The following MMEL1 variants were observed in gnomAD, a reference collection of about 807,000 sequenced individuals.
MMEL1 encodes membrane metalloendopeptidase like 1.
A neutral mutation model predicts 117.1 loss-of-function variants in MMEL1; 98 were observed. The observed-to-expected ratio is 0.84, with a 90% confidence interval of 0.71 to 0.99. The LOEUF is 0.99. Ranked by LOEUF, MMEL1 falls within the 50% of genes least tolerant of loss-of-function variation. The pLI, the probability that MMEL1 is intolerant of heterozygous loss-of-function variation, is 0.00. For synonymous variants in MMEL1, 390 were observed against 415.1 expected (o/e 0.94, Z 0.74); for missense variants, 1,014 against 1,049.1 (o/e 0.97, Z 0.46).
At chr1:2,605,237 C>T (rs1480909430) in intron 9 of MMEL1, among the ~76,000 whole-genome samples, 2 of 152,176 alleles carry the variant, frequency 1.3e-5, no homozygotes, top group African/African-American at 4.8e-5. Flanking sequence ...CTCAGATCTC[C>T]AGGGGCCCTC....
At chr1:2,603,246 C>G (rs1214528433) in intron 11 of MMEL1, among the ~76,000 whole-genome samples, 1 of 152,190 alleles carries the variant, frequency 6.6e-6, no homozygotes, top group Admixed American at 6.5e-5. Flanking sequence ...CCCTTGCCCT[C>G]CCCCCACTGA....
chr1:2,607,501 G>T (rs1467170820), intron 6 of MMEL1, among the ~76,000 whole-genome samples: 1 of 152,088 alleles, frequency 6.6e-6, no homozygotes, highest in Middle Eastern at 3.4e-3. Context: ...GTAGGCAGGG[G>T]AGCCCTGGGG....
intron 16 of MMEL1, 39 bp from the exon 17 acceptor site, chr1:2,594,932 G>A (rs371714899): frequency 2.7e-5 from 43 of 1,564,306 alleles, no homozygotes; most frequent in East Asian, 9.0e-5. Flanking sequence ...TGCTGGGGCC[G>A]GGCCCTCAGA....
chr1:2,608,939 A>G (rs544284448), intron 6 of MMEL1, among the ~76,000 whole-genome samples: 39 of 152,264 alleles, frequency 2.6e-4, no homozygotes, highest in African/African-American at 8.9e-4. Flanking sequence ...ACACATATAC[A>G]TACACAATAT....
intron 10 of MMEL1, 56 bp downstream of exon 10, chr1:2,604,091 G>T: frequency 1.3e-6 from 2 of 1,570,754 alleles, no homozygotes; most frequent in Non-Finnish European, 8.7e-7. Context: ...CAGCCACACC[G>T]CCTGGGGCTC....
chr1:2,591,998 G>A lies in MMEL1; in HGVS notation c.2097C>T (p.Gly699=). 1 of 1,613,222 alleles carries A rather than the reference G, an allele frequency of 6.2e-7. No homozygotes were observed. The highest frequency in any genetic ancestry group is 1.3e-5 in the African/African-American group (1 of 74,996). Residue 699 remains glycine, a synonymous_variant, in exon 22 of 24, where the codon GGC becomes GGT. Transcript: ENST00000378412. ...KAYLKWMAEG[G]KDQQLPGLDL... ...CCAGGCCGGGCAGCTGCTGGTCCTT[G>A]CCACCCTCTGCCATCCACTTGAGGT...
intron 11 of MMEL1, among the ~76,000 whole-genome samples, chr1:2,601,800 C>T (rs745444855): frequency 2.0e-5 from 3 of 152,246 alleles, no homozygotes; most frequent in Non-Finnish European, 4.4e-5. Context: ...CAGGAGATGG[C>T]GTTTAACCTC....
At chr1:2,592,993 C>A in intron 19 of MMEL1, 27 bp from the exon 20 acceptor site, 1 of 1,610,112 alleles carries the variant, frequency 6.2e-7, no homozygotes. Context: ...GAGGGCTGCC[C>A]ACATGCCCCT....
Position 2,594,904 on chromosome 1 carries a change from G to C in MMEL1, c.1585-11C>G. On this transcript the variant is annotated splice_polypyrimidine_tract_variant and intron_variant, in intron 16 of 23. Coordinates refer to ENST00000378412, the MANE Select transcript of MMEL1 (RefSeq NM_033467.4). ...CTCTGAGAAGTTCAGCTACGGGAGA[G>C]GGGCAGTCACTGCCAGATGCTGGGG... 6 of 1,610,064 alleles carry C rather than the reference G, an allele frequency of 3.7e-6. No individual in the cohort carries two copies. The highest frequency in any genetic ancestry group is 5.1e-6 in the Non-Finnish European group (6 of 1,176,596).
intron 22 of MMEL1, 133 bp downstream of exon 22, chr1:2,591,799 C>A: frequency 1.8e-6 from 2 of 1,088,276 alleles, no homozygotes; most frequent in Non-Finnish European, 2.8e-6. Context: ...CAGCTCCCGC[C>A]CCCTGCCCCT....
In MMEL1 at chr1:2,594,811, C is replaced by T. The variant is rs138779135; in HGVS notation, c.1667G>A (p.Arg556Gln). 2.0e-5 allele frequency: 32 copies of T among 1,613,896 alleles called. No homozygotes were observed. The highest frequency in any genetic ancestry group is 6.7e-5 in the African/African-American group (5 of 75,058). Residue 556 changes from arginine (R) to glutamine (Q), a missense_variant, in exon 17 of 24, where the codon CGG becomes CAG. Transcript: ENST00000378412. ...VGAQRSLRKL[R>Q]EKVDPNLWII... The stretch of plus-strand genomic sequence containing the variant: ...TCACAGATTTGGGTCCACCTTTTCC[C>T]GAAGCTTCCTGAGGCTCCGCTGGGC...
intron 6 of MMEL1, among the ~76,000 whole-genome samples, chr1:2,608,704 T>C (rs920722171): frequency 6.6e-6 from 1 of 151,802 alleles, no homozygotes; most frequent in African/African-American, 2.4e-5. Context: ...CATGTGCACA[T>C]AATACACATA....
Position 2,595,994 on chromosome 1 carries a change from C to T in MMEL1, c.1500+15G>A, listed in dbSNP as rs773780172. On this transcript the variant is annotated intron_variant, in intron 15 of 23. Coordinates refer to ENST00000378412, the MANE Select transcript of MMEL1 (RefSeq NM_033467.4). This position sits in a 1 kb window ranked among gnomAD's most constrained non-coding sequence, Gnocchi z 4.8. ...GATCCAGTCGGGGCTGCCCTGACCT[C>T]TGCGAGCCACATACCTTCTCCTGCG... 2.5e-6 allele frequency: 4 copies of T among 1,612,034 alleles called. No homozygotes were observed. In the South Asian group the frequency reaches 4.4e-5, roughly 18 times the overall value.
Position 2,593,798 on chromosome 1 carries a change from AG to A in MMEL1, c.1867+15del. The A allele has an allele frequency of 1.3e-6, 2 of 1,585,204 alleles. No individual in the cohort carries two copies. Among genetic ancestry groups the A allele is most frequent in the Non-Finnish European group, 1.7e-6 (2 of 1,162,986 alleles). On this transcript the variant is annotated intron_variant, in intron 19 of 23. Transcript: ENST00000378412. ...GAGAGGGGAGGGCGTGTGTGATTGG[AG>A]GGGCGGCCGCTCACCATTGTCGTCA...
At chr1:2,632,557 A>G (rs115342844) in intron 1 of MMEL1, 2,310 of 164,912 alleles carry the variant, frequency 0.014, 25 homozygotes, top group Admixed American at 0.024. Flanking sequence ...ACACCTTCAA[A>G]TTGAGCCAAG....
At position 2,609,662 on chromosome 1, in the gene MMEL1, T is replaced by C; in HGVS notation, c.454+8A>G. On this transcript the variant is annotated splice_region_variant and intron_variant, in intron 5 of 23. Transcript: ENST00000378412. Reference sequence around the variant, plus strand: ...CACCCCACTGCACCCCCGGCCGTGCTCTGCCACCTTTGAGGATGACCTCCA... The same window carrying C: ...CACCCCACTGCACCCCCGGCCGTGCCCTGCCACCTTTGAGGATGACCTCCA... 6.2e-7 allele frequency: 1 copy of C among 1,604,116 alleles called. No individual in the cohort carries two copies. Among genetic ancestry groups the C allele is most frequent in the Non-Finnish European group, 8.5e-7 (1 of 1,174,544 alleles).
At chr1:2,617,516 C>T (rs555790650) in intron 2 of MMEL1, among the ~76,000 whole-genome samples, 1 of 150,258 alleles carries the variant, frequency 6.7e-6, no homozygotes, top group Admixed American at 6.7e-5. Flanking sequence ...GGGAGAATTA[C>T]TTGAACACCG....
At chr1:2,602,379 C>G (rs1326126123) in intron 11 of MMEL1, among the ~76,000 whole-genome samples, 1 of 152,174 alleles carries the variant, frequency 6.6e-6, no homozygotes, top group Non-Finnish European at 1.5e-5. Flanking sequence ...CCTGGACGCT[C>G]CCCTGAACCT....
chr1:2,606,384 C>A lies in MMEL1; in HGVS notation c.632-18G>T, dbSNP rs765911833. 10 of 1,598,144 alleles carry A rather than the reference C, an allele frequency of 6.3e-6. No individual in the cohort carries two copies. The highest frequency in any genetic ancestry group is 8.5e-6 in the Non-Finnish European group (10 of 1,169,904). On this transcript the variant is annotated intron_variant, in intron 7 of 23. Transcript: ENST00000378412. ...CTCGAGTCCTGGGGAGACAGTGCCC[C>A]GCACTGGAGACTGGCGGGCCCTGGG...
Sources: allele counts gnomAD v4.1 joint callset (sites outside exome capture counted in the v4.1 genomes callset), GRCh38; gene constraint gnomAD v4.1.1; non-coding constraint Gnocchi (gnomAD v3.1); transcripts MANE v1.5; gene names NCBI Gene and HGNC (gene_info 2026-07-23, HGNC 2026-07-21).